NFIA: variants seen among roughly 807,000 people sequenced by gnomAD.
NFIA encodes nuclear factor 1 A-type.
A neutral mutation model predicts 62.8 loss-of-function variants in NFIA; 8 were observed. The ratio of observed to expected loss-of-function variants is 0.13; its 90% CI spans 0.07 to 0.23. The LOEUF (loss-of-function observed/expected upper bound fraction) is 0.23. NFIA is among the 10% of genes least tolerant of loss of function. The probability of loss-of-function intolerance (pLI) is 1.00; values close to 1 mark genes in which losing one functional copy is unlikely to be tolerated. For synonymous variants in NFIA, 235 were observed against 238.1 expected, an observed-to-expected ratio of 0.99 and a Z score of 0.12; for missense variants, 410 against 642.1, an observed-to-expected ratio of 0.64 and a Z score of 3.91.
At chr1:61,199,926 C>T (rs1410175101) in intron 2 of NFIA, among the ~76,000 whole-genome samples, 5 of 149,292 alleles carry the variant, frequency 3.3e-5, no homozygotes, top group South Asian at 2.1e-4. Context: ...AACCAGGAGG[C>T]GGAGGCTGCA....
intron 2 of NFIA, among the ~76,000 whole-genome samples, chr1:61,193,335 A>G (rs1459606365): frequency 1.3e-5 from 2 of 152,228 alleles, no homozygotes; most frequent in Admixed American, 6.5e-5. Context: ...GAATACTACA[A>G]GAAGGATCTT....
intron 2 of NFIA, among the ~76,000 whole-genome samples, chr1:61,174,141 G>A (rs2100552254): frequency 6.6e-6 from 1 of 152,260 alleles, no homozygotes; most frequent in African/African-American, 2.4e-5. Context: ...GATGTGAGGT[G>A]TCTTGAAGGA....
chr1:61,275,306 C>G (rs72911907), intron 2 of NFIA, among the ~76,000 whole-genome samples: 1,946 of 152,020 alleles, frequency 0.013, 43 homozygotes, highest in African/African-American at 0.044. Context: ...TTCATGTTTT[C>G]TATTATTATG....
chr1:61,133,905 G>T (rs1466698133), intron 2 of NFIA, among the ~76,000 whole-genome samples: 1 of 151,930 alleles, frequency 6.6e-6, no homozygotes, highest in Non-Finnish European at 1.5e-5. Flanking sequence ...ACTTTGGGAG[G>T]CTGAGGGGGT....
In NFIA at chr1:61,427,618, C is replaced by T. The variant is rs915875646; in HGVS notation, c.1512+1062C>T. Among the ~76,000 whole-genome samples the T allele has an allele frequency of 1.1e-4, 16 of 152,250 alleles. 1 individual carries two copies. The highest frequency in any genetic ancestry group is 6.8e-3 in the Middle Eastern group (2 of 294). On this transcript the variant is annotated intron_variant, in intron 10 of 10. Coordinates refer to ENST00000403491, the MANE Select transcript of NFIA (RefSeq NM_001134673.4). Reference sequence around the variant, plus strand: ...GTCCATTTGCCCCCTCTGTAAAGGGCTTTGGTTTATTGCTATGTCGACAGC... The same window carrying T: ...GTCCATTTGCCCCCTCTGTAAAGGGTTTTGGTTTATTGCTATGTCGACAGC...
rs974278544 is a variant in NFIA, at chr1:61,088,999, A to G, written c.559+319A>G. Among the ~76,000 whole-genome samples the G allele has an allele frequency of 6.6e-6, 1 of 152,240 alleles. No individual in the cohort carries two copies. The highest frequency in any genetic ancestry group is 2.4e-5 in the African/African-American group (1 of 41,460). Reference sequence around the variant, plus strand: ...CGTGAAAACCCTTTTAATAAAGAGTATATTTTAACTGACAAATGATCTAGT... The same window carrying G: ...CGTGAAAACCCTTTTAATAAAGAGTGTATTTTAACTGACAAATGATCTAGT... On this transcript the variant is annotated intron_variant, in intron 2 of 10. Coordinates refer to ENST00000403491, the MANE Select transcript of NFIA (RefSeq NM_001134673.4). The surrounding 1 kb of genome is among the most constrained non-coding windows in gnomAD (Gnocchi z 4.5).
At position 61,457,069 on chromosome 1, in the gene NFIA, A is replaced by G. The variant is rs568626128; in HGVS notation, c.*1749A>G. 4 of 152,164 alleles carry G rather than the reference A, an allele frequency of 2.6e-5. No homozygotes were observed. Among genetic ancestry groups the G allele is most frequent in the Non-Finnish European group, 5.9e-5 (4 of 68,026 alleles). The allele number at this position is 152,164 out of a possible 1,614,324, so 9.4% of individuals were successfully genotyped here. On this transcript the variant is annotated 3_prime_UTR_variant, in exon 11 of 11. Coordinates refer to ENST00000403491, the MANE Select transcript of NFIA (RefSeq NM_001134673.4). The surrounding 1 kb of genome is among the most constrained non-coding windows in gnomAD (Gnocchi z 4.2). ...GAGTGCATTAAGACACAATATTGTAATCCCTACTCTAGGCACTTGCCTTTA... is the reference window on the plus strand; with the variant it reads ...GAGTGCATTAAGACACAATATTGTAGTCCCTACTCTAGGCACTTGCCTTTA...
intron 10 of NFIA, among the ~76,000 whole-genome samples, chr1:61,438,037 C>A (rs1186067038): frequency 6.6e-6 from 1 of 152,082 alleles, no homozygotes; most frequent in African/African-American, 2.4e-5. Flanking sequence ...TTGCTTGGTT[C>A]AATCCTCCTG....
chr1:61,211,405 A>G (rs1431985791), intron 2 of NFIA, among the ~76,000 whole-genome samples: 1 of 152,200 alleles, frequency 6.6e-6, no homozygotes, highest in African/African-American at 2.4e-5. Context: ...TAATGATAAT[A>G]TTTAAGTAGT....
At chr1:61,449,617 C>T (rs2474362) in intron 10 of NFIA, among the ~76,000 whole-genome samples, 14,726 of 152,092 alleles carry the variant, frequency 0.097, 786 homozygotes, top group African/African-American at 0.13. Context: ...TTGGGGGATC[C>T]GGAAGAAGTT....
At chr1:61,247,322 C>A (rs1483929153) in intron 2 of NFIA, among the ~76,000 whole-genome samples, 1 of 152,206 alleles carries the variant, frequency 6.6e-6, no homozygotes, top group African/African-American at 2.4e-5. Flanking sequence ...TTTCATGTTT[C>A]ATTTCGTGAT....
At chr1:61,351,382 A>C (rs1046757543) in intron 4 of NFIA, among the ~76,000 whole-genome samples, 35 of 152,342 alleles carry the variant, frequency 2.3e-4, no homozygotes, top group African/African-American at 8.2e-4. Flanking sequence ...TCCCTGGTTC[A>C]TGATAACCCT....
chr1:61,127,896 A>G (rs1472837564), intron 2 of NFIA, among the ~76,000 whole-genome samples: 1 of 152,156 alleles, frequency 6.6e-6, no homozygotes, highest in Non-Finnish European at 1.5e-5. Flanking sequence ...TGTGGTATTG[A>G]AGAATATCTC....
chr1:61,120,148 T>C (rs1014293612), intron 2 of NFIA, among the ~76,000 whole-genome samples: 2 of 152,220 alleles, frequency 1.3e-5, no homozygotes, highest in African/African-American at 4.8e-5. Context: ...CACTTGGCCA[T>C]TGATTTGGTT....
intron 2 of NFIA, chr1:61,249,206 T>C (rs1337519639): frequency 6.6e-6 from 1 of 152,136 alleles, no homozygotes; most frequent in African/African-American, 2.4e-5. Flanking sequence ...GGTGCTTACA[T>C]ACTTACTGAT....
intron 2 of NFIA, among the ~76,000 whole-genome samples, chr1:61,126,249 T>C (rs1483181905): frequency 6.6e-6 from 1 of 152,114 alleles, no homozygotes; most frequent in Non-Finnish European, 1.5e-5. Flanking sequence ...TAATGCAGAT[T>C]CTTTAAAAAT....
chr1:61,333,372 C>T (rs1661413656), intron 4 of NFIA, among the ~76,000 whole-genome samples: 1 of 152,154 alleles, frequency 6.6e-6, no homozygotes, highest in South Asian at 2.1e-4. Context: ...GTGTTACAGG[C>T]TTGCAAGATT....
intron 3 of NFIA, among the ~76,000 whole-genome samples, chr1:61,303,261 T>C (rs1659583875): frequency 6.6e-6 from 1 of 152,230 alleles, no homozygotes; most frequent in South Asian, 2.1e-4. Context: ...GCCCATACTT[T>C]ATTCCAGATA....
intron 3 of NFIA, among the ~76,000 whole-genome samples, chr1:61,308,817 T>C (rs1370892318): frequency 2.0e-5 from 3 of 152,210 alleles, no homozygotes; most frequent in African/African-American, 7.2e-5. Context: ...CTGCTGTTGT[T>C]ATTGCTGTTC....
Sources: gnomAD v4.1 joint callset for allele counts (sites outside exome capture counted in the v4.1 genomes callset) on GRCh38, gnomAD v4.1.1 for gene constraint, Gnocchi (gnomAD v3.1) non-coding constraint, MANE v1.5 for transcripts, NCBI Gene and HGNC (gene_info 2026-07-23, HGNC 2026-07-21) for gene names.